Variants in PRH1 observed in about 807,000 individuals in gnomAD.
PRH1 encodes salivary acidic proline-rich phosphoprotein 1/2.
A neutral mutation model predicts 7.9 loss-of-function variants in PRH1; 7 were observed. The observed-to-expected ratio is 0.89, with a 90% CI of 0.50 to 1.67. The LOEUF (loss-of-function observed/expected upper bound fraction) is 1.67. Among genes scored for constraint, PRH1 ranks in the 40% most tolerant of loss-of-function variants. PRH1 has a pLI of 0.00. For missense variants in PRH1, 109 were observed against 223.6 expected, an observed-to-expected ratio of 0.49 and a Z score of 3.27; for synonymous variants, 45 against 80.8, an observed-to-expected ratio of 0.56 and a Z score of 2.38.
intron 2 of PRH1, among the ~76,000 whole-genome samples, chr12:10,955,429 A>C (rs1937904724): frequency 1.3e-5 from 2 of 152,186 alleles, no homozygotes; most frequent in Admixed American, 6.5e-5. Flanking sequence ...GATATGGATA[A>C]GGCAGTGTTA....
chr12:11,112,291 T>C (rs1945612036), intron 1 of PRH1, among the ~76,000 whole-genome samples: 1 of 152,176 alleles, frequency 6.6e-6, no homozygotes. Context: ...GACTACTCCT[T>C]AACTCATTTT....
chr12:10,934,026 T>C (rs957023642), intron 2 of PRH1, among the ~76,000 whole-genome samples: 5 of 152,208 alleles, frequency 3.3e-5, no homozygotes, highest in Admixed American at 6.5e-5. Flanking sequence ...TAGCCGTTTA[T>C]TAATTCAACT....
At chr12:10,984,883 T>A (rs1939526235) in intron 1 of PRH1, among the ~76,000 whole-genome samples, 1 of 152,058 alleles carries the variant, frequency 6.6e-6, no homozygotes, top group African/African-American at 2.4e-5. Context: ...ATACATAGAT[T>A]TCATAGATGC....
intron 1 of PRH1, among the ~76,000 whole-genome samples, chr12:11,168,372 G>T: frequency 2.0e-4 from 1 of 5,124 alleles, no homozygotes; most frequent in South Asian, 0.019. Context: ...AGAAAGAAAA[G>T]AAAGAAAGAA....
intron 2 of PRH1, among the ~76,000 whole-genome samples, chr12:10,929,554 G>A (rs759321788): frequency 1.3e-5 from 2 of 152,086 alleles, no homozygotes; most frequent in Admixed American, 1.3e-4. Flanking sequence ...AATTTGTACC[G>A]GGGGAGTGAG....
intron 1 of PRH1, chr12:11,062,118 G>C (rs1052724933): frequency 6.2e-7 from 1 of 1,613,658 alleles, no homozygotes; most frequent in Non-Finnish European, 8.5e-7. Flanking sequence ...CTAATACCCA[G>C]AGTAAACCAA....
At chr12:11,129,902 A>G (rs2599400) in intron 1 of PRH1, among the ~76,000 whole-genome samples, 69,781 of 136,636 alleles carry the variant, frequency 0.51, 16,578 homozygotes, top group Non-Finnish European at 0.59. Flanking sequence ...TGTAATCCCA[A>G]CACTTTAGGA....
chr12:10,996,631 A>G (rs1940251481), intron 1 of PRH1: 1 of 195,784 alleles, frequency 5.1e-6, no homozygotes, highest in African/African-American at 2.3e-5. Context: ...TGTGTGAAAT[A>G]CACATGGGTT....
At chr12:10,973,752 A>G in intron 1 of PRH1, 1 of 776,902 alleles carries the variant, frequency 1.3e-6, no homozygotes, top group Non-Finnish European at 2.4e-6. Context: ...GGCCAAAATT[A>G]TATTTTCAAT....
At chr12:11,107,764 A>G (rs1406557766) in intron 1 of PRH1, among the ~76,000 whole-genome samples, 1 of 152,238 alleles carries the variant, frequency 6.6e-6, no homozygotes, top group Non-Finnish European at 1.5e-5. Context: ...AATTGATTTC[A>G]AAAAAGGGAC....
At chr12:10,892,371 T>TA (rs1949586627) in intron 2 of PRH1, among the ~76,000 whole-genome samples, 1 of 152,164 alleles carries the variant, frequency 6.6e-6, no homozygotes, top group Non-Finnish European at 1.5e-5. Context: ...AGTAACTTTT[T>TA]TAAAAAATGT....
chr12:11,050,229 T>C (rs1433994564), upstream of PRH1, among the ~76,000 whole-genome samples: 3 of 152,158 alleles, frequency 2.0e-5, no homozygotes, highest in Non-Finnish European at 4.4e-5. Flanking sequence ...CACATATTTA[T>C]TGACAGTAAG....
intron 2 of PRH1, among the ~76,000 whole-genome samples, chr12:10,889,920 T>C (rs970708950): frequency 6.6e-6 from 1 of 152,204 alleles, no homozygotes; most frequent in Non-Finnish European, 1.5e-5. Context: ...TCATTTTGAG[T>C]GTCTACCTTG....
intron 1 of PRH1, among the ~76,000 whole-genome samples, chr12:11,013,217 C>T (rs764920450): frequency 3.8e-4 from 58 of 152,208 alleles, no homozygotes; most frequent in Non-Finnish European, 5.7e-4. Context: ...TACAAAGCTG[C>T]ACTAATCAGA....
At chr12:10,995,076 T>A (rs1382371140) in intron 1 of PRH1, among the ~76,000 whole-genome samples, 9 of 152,176 alleles carry the variant, frequency 5.9e-5, no homozygotes, top group Non-Finnish European at 1.2e-4. Context: ...TCTTCTTGGA[T>A]AATCCTGTAA....
intron 1 of PRH1, among the ~76,000 whole-genome samples, chr12:11,101,494 T>G (rs1945246574): frequency 1.3e-5 from 2 of 151,550 alleles, no homozygotes; most frequent in Non-Finnish European, 2.9e-5. Flanking sequence ...TGTCTCAAAA[T>G]AAAAATAGAA....
At chr12:11,165,222 A>T (rs1225149837) in intron 1 of PRH1, among the ~76,000 whole-genome samples, 5 of 152,108 alleles carry the variant, frequency 3.3e-5, no homozygotes, top group Non-Finnish European at 7.4e-5. Flanking sequence ...TTGCATCTCC[A>T]CCAGTAATGT....
chr12:10,948,618 T>C (rs574236295), intron 2 of PRH1, among the ~76,000 whole-genome samples: 1 of 152,352 alleles, frequency 6.6e-6, no homozygotes, highest in East Asian at 1.9e-4. Context: ...TACTGTATTC[T>C]GTCATTCTAG....
chr12:11,080,640 C>T (rs1340586115), intron 1 of PRH1, among the ~76,000 whole-genome samples: 1,237 of 55,746 alleles, frequency 0.022, 3 homozygotes, highest in Admixed American at 0.037. Flanking sequence ...ACATTCAATC[C>T]AGGAAGACAC....
Sources: allele counts gnomAD v4.1 joint callset (sites outside exome capture counted in the v4.1 genomes callset), GRCh38; gene constraint gnomAD v4.1.1; transcripts MANE v1.5; gene names NCBI Gene and HGNC (gene_info 2026-07-23, HGNC 2026-07-21).